KLHL5: variants seen among roughly 807,000 people sequenced by gnomAD.
The protein encoded by KLHL5 is kelch like family member 5, also known as kelch-like protein 5.
A neutral mutation model predicts 77.7 loss-of-function variants in KLHL5; 48 were observed. The ratio of observed to expected loss-of-function variants is 0.62; its 90% CI spans 0.49 to 0.79. KLHL5 has a LOEUF of 0.79. KLHL5 is among the 30% of genes least tolerant of loss of function. The pLI is 0.00. For missense variants in KLHL5, 723 were observed against 859.7 expected (o/e 0.84, Z 1.99); for synonymous variants, 260 against 297.0 (o/e 0.88, Z 1.28).
downstream of KLHL5, among the ~76,000 whole-genome samples, chr4:39,127,122 G>C (rs1454681633): frequency 6.6e-6 from 1 of 152,088 alleles, no homozygotes; most frequent in East Asian, 1.9e-4. Context: ...GATTGCTTGA[G>C]CTCAGGAGTT....
intron 7 of KLHL5, among the ~76,000 whole-genome samples, chr4:39,104,907 A>G (rs1388021048): frequency 6.6e-6 from 1 of 152,008 alleles, no homozygotes; most frequent in Admixed American, 6.6e-5. Context: ...CTGGGACTAC[A>G]GGCATGTGCC....
At position 39,075,898 on chromosome 4, in the gene KLHL5, C is replaced by T. The variant is rs191952846; in HGVS notation, c.384-67C>T. ...ATTACATTTGAAGGCTTTCAAAAGA[C>T]TTAATAGGAAAGATCTTTTTAATGT... On this transcript the variant is annotated intron_variant, in intron 1 of 10. Transcript: ENST00000504108. The T allele has an allele frequency of 2.0e-4, 261 of 1,335,368 alleles. No homozygotes were observed. In the African/African-American group the frequency reaches 3.4e-3, roughly 17 times the overall value. 82.7% of individuals were successfully genotyped at this position (1,335,368 alleles called of 1,614,324 possible).
At chr4:39,102,485 C>T (rs1025447375) in intron 6 of KLHL5, among the ~76,000 whole-genome samples, 1 of 138,884 alleles carries the variant, frequency 7.2e-6, no homozygotes, top group Non-Finnish European at 1.5e-5. Flanking sequence ...CCGTACTTAC[C>T]CCGCCCTTGC....
chr4:39,054,179 C>G (rs1241440177), intron 1 of KLHL5, among the ~76,000 whole-genome samples: 1 of 152,196 alleles, frequency 6.6e-6, no homozygotes. Context: ...TACTCTCAAT[C>G]TACTTCCTCA....
intron 8 of KLHL5, among the ~76,000 whole-genome samples, chr4:39,111,264 A>G (rs968752924): frequency 3.3e-5 from 5 of 152,194 alleles, no homozygotes; most frequent in African/African-American, 1.2e-4. Flanking sequence ...AGTACTTTAA[A>G]TTTAATTATT....
chr4:39,098,117 C>T (rs1205266243), intron 6 of KLHL5, among the ~76,000 whole-genome samples: 1 of 126,020 alleles, frequency 7.9e-6, no homozygotes, highest in Non-Finnish European at 1.6e-5. Context: ...GCCTGGGTGA[C>T]AGAGCAAGAA....
intron 1 of KLHL5, among the ~76,000 whole-genome samples, chr4:39,065,382 G>C: frequency 6.9e-6 from 1 of 144,642 alleles, no homozygotes; most frequent in Non-Finnish European, 1.5e-5. Flanking sequence ...TTGAGACAGA[G>C]TCTCGCTCTG....
chr4:39,061,557 T>A (rs777714025), upstream of KLHL5, among the ~76,000 whole-genome samples: 1 of 152,240 alleles, frequency 6.6e-6, no homozygotes, highest in African/African-American at 2.4e-5. Context: ...CAATAACTAC[T>A]CAGTATTTTT....
chr4:39,136,429 C>T, the KLHL5 span, among the ~76,000 whole-genome samples: 22 of 152,196 alleles, frequency 1.4e-4, no homozygotes, highest in African/African-American at 4.1e-4. Flanking sequence ...CAAAGTGCTG[C>T]GATTATAGGC....
At chr4:39,071,616 A>C (rs984980600) in intron 1 of KLHL5, among the ~76,000 whole-genome samples, 4 of 152,198 alleles carry the variant, frequency 2.6e-5, no homozygotes, top group Non-Finnish European at 4.4e-5. Flanking sequence ...TCAAATTCCA[A>C]ATCCCTTCAC....
chr4:39,098,403 C>T (rs1046183250), intron 6 of KLHL5, among the ~76,000 whole-genome samples: 9 of 151,556 alleles, frequency 5.9e-5, no homozygotes, highest in Non-Finnish European at 1.2e-4. Context: ...GCTGGGACTA[C>T]AGGCACATGC....
chr4:39,065,046 A>G (rs1717764895), intron 1 of KLHL5, among the ~76,000 whole-genome samples: 2 of 152,212 alleles, frequency 1.3e-5, no homozygotes, highest in African/African-American at 4.8e-5. Context: ...AAATATGTCA[A>G]AGGAATTTAA....
chr4:39,136,005 C>CAT, the KLHL5 span, among the ~76,000 whole-genome samples: 3 of 146,022 alleles, frequency 2.1e-5, no homozygotes, highest in Non-Finnish European at 4.5e-5. Flanking sequence ...CATTCTAACA[C>CAT]GTGTGTGTGT....
chr4:39,045,423 G>A (rs1265174569), intron 1 of KLHL5, among the ~76,000 whole-genome samples: 1 of 152,048 alleles, frequency 6.6e-6, no homozygotes, highest in East Asian at 1.9e-4. Flanking sequence ...GGAGCGGACT[G>A]CGGTGCACCC....
intron 10 of KLHL5, among the ~76,000 whole-genome samples, chr4:39,118,782 C>T (rs1280029639): frequency 6.6e-6 from 1 of 151,896 alleles, no homozygotes; most frequent in African/African-American, 2.4e-5. Flanking sequence ...ACTGGTCACC[C>T]TCAGACTAGA....
intron 2 of KLHL5, among the ~76,000 whole-genome samples, chr4:39,077,704 A>C (rs979841978): frequency 1.3e-5 from 2 of 150,990 alleles, no homozygotes; most frequent in East Asian, 1.9e-4. Context: ...TAAAAAAAAA[A>C]AAAAACAAAA....
intron 1 of KLHL5, among the ~76,000 whole-genome samples, chr4:39,056,155 C>T (rs1716991551): frequency 6.6e-6 from 1 of 152,170 alleles, no homozygotes; most frequent in Admixed American, 6.5e-5. Context: ...GTCAATCTTG[C>T]CCTGTTGCCC....
upstream of KLHL5, among the ~76,000 whole-genome samples, chr4:39,060,478 G>C (rs1717325498): frequency 8.3e-6 from 1 of 120,704 alleles, no homozygotes; most frequent in Admixed American, 8.1e-5. Flanking sequence ...TTTTCCAGAA[G>C]CCTTTAGGAG....
intron 5 of KLHL5, among the ~76,000 whole-genome samples, chr4:39,095,311 G>C (rs750236009): frequency 3.3e-5 from 5 of 152,078 alleles, no homozygotes; most frequent in Admixed American, 2.6e-4. Context: ...TTGTGCTCTT[G>C]TGCTCTTATA....
Sources: allele counts gnomAD v4.1 joint callset (sites outside exome capture counted in the v4.1 genomes callset), GRCh38; gene constraint gnomAD v4.1.1; transcripts MANE v1.5; gene names NCBI Gene and HGNC (gene_info 2026-07-23, HGNC 2026-07-21).